Variants in SRGAP1 observed in about 807,000 individuals in gnomAD.
The protein encoded by SRGAP1 is SLIT-ROBO Rho GTPase-activating protein 1.
Under a neutral mutation model 121.9 loss-of-function variants are expected in SRGAP1, and 43 were observed. That is an observed-to-expected ratio of 0.35 (90% CI 0.28 to 0.46). The LOEUF (loss-of-function observed/expected upper bound fraction) is 0.46. SRGAP1 is among the 20% of genes least tolerant of loss of function. SRGAP1 has a pLI of 1.00. For synonymous variants in SRGAP1, 447 were observed against 485.4 expected (o/e 0.92, Z 1.04); for missense variants, 1,102 against 1,350.9 (o/e 0.82, Z 2.89).
chr12:64,036,435 T>C (rs1436714312), intron 4 of SRGAP1, among the ~76,000 whole-genome samples: 1 of 152,196 alleles, frequency 6.6e-6, no homozygotes, highest in East Asian at 1.9e-4. Flanking sequence ...GTATTGATTG[T>C]AGAAAATAGA....
At chr12:63,902,732 G>C (rs1463688394) in intron 1 of SRGAP1, among the ~76,000 whole-genome samples, 2 of 152,116 alleles carry the variant, frequency 1.3e-5, no homozygotes, top group South Asian at 4.1e-4. Flanking sequence ...CAATCCAATT[G>C]CTTAAAATTA....
At chr12:63,925,250 A>G (rs948735962) in intron 1 of SRGAP1, among the ~76,000 whole-genome samples, 7 of 152,340 alleles carry the variant, frequency 4.6e-5, no homozygotes, top group Middle Eastern at 3.4e-3. Flanking sequence ...TACTGCTGAC[A>G]TTATTATAAA....
chr12:64,027,713 C>T (rs1223678892), intron 4 of SRGAP1, among the ~76,000 whole-genome samples: 1 of 152,118 alleles, frequency 6.6e-6, no homozygotes, highest in Non-Finnish European at 1.5e-5. Context: ...AGTTTGCAAA[C>T]TCAAAAAGCT....
intron 6 of SRGAP1, 124 bp downstream of exon 6, chr12:64,043,699 A>C (rs2035067991): frequency 2.9e-6 from 2 of 697,666 alleles, no homozygotes; most frequent in South Asian, 5.1e-5. Context: ...AAAAAGAAAA[A>C]AATACTTTTA....
rs149965954 is a variant in SRGAP1 at position 64,001,127 on chromosome 12, A to G, written c.426+11055A>G. 2.5e-3 allele frequency among the ~76,000 whole-genome samples: 377 copies of G among 152,264 alleles called. 1 individual carries two copies. The highest frequency in any genetic ancestry group is 8.6e-3 in the African/African-American group (356 of 41,556). On this transcript the variant is annotated intron_variant, in intron 3 of 21. Coordinates refer to ENST00000355086, the MANE Select transcript of SRGAP1 (RefSeq NM_020762.4). ...TTGCATGACTTCTACCCAGCATTCCATAAAATCATCCTCTTTTCAAAAAGA... is the reference window on the plus strand; with the variant it reads ...TTGCATGACTTCTACCCAGCATTCCGTAAAATCATCCTCTTTTCAAAAAGA...
Position 64,091,372 on chromosome 12 carries a change from C to A in SRGAP1, c.1533C>A (p.Phe511Leu). 1 of 1,603,668 alleles carries A rather than the reference C, an allele frequency of 6.2e-7. No individual in the cohort carries two copies. Among genetic ancestry groups the A allele is most frequent in the Non-Finnish European group, 8.5e-7 (1 of 1,173,580 alleles). ...TGTTTAATGGGGATTTGGAAACATT[C>A]GTCAAGGTACTGGCACCAGCCATCT... ...TKLFNGDLET[F>L]VKDSGQVIPL... Residue 511 changes from phenylalanine to leucine, a missense_variant, in exon 12 of 22, where the codon TTC (phenylalanine) becomes TTA (leucine). Phe to Leu is a conservative substitution (Grantham distance 22). Around this residue, in one of 3 missense-constraint regions of SRGAP1, gnomAD observed 747 missense variants for 929.4 expected, o/e 0.80. Coordinates refer to ENST00000355086, the MANE Select transcript of SRGAP1 (RefSeq NM_020762.4).
rs548182689 is a variant in SRGAP1, at chr12:63,967,641, C to T, written c.68-16306C>T. Among the ~76,000 whole-genome samples, 31 of 152,180 alleles carry T rather than the reference C, an allele frequency of 2.0e-4. No individual in the cohort carries two copies. In the East Asian group the frequency reaches 5.0e-3, roughly 25 times the overall value. ...AGGAATGGGCTTGGGGGGATTTGAC[C>T]CCTGGATTCTTTGTAGGACTAAGTG... On this transcript the variant is annotated intron_variant, in intron 1 of 21. Coordinates refer to ENST00000355086, the MANE Select transcript of SRGAP1 (RefSeq NM_020762.4).
intron 1 of SRGAP1, among the ~76,000 whole-genome samples, chr12:63,880,379 A>G (rs1179541595): frequency 1.3e-5 from 2 of 151,946 alleles, no homozygotes; most frequent in Non-Finnish European, 2.9e-5. Context: ...TTACAGACGC[A>G]TGCCACCCCG....
chr12:64,041,253 A>G (rs2136503194), intron 4 of SRGAP1, among the ~76,000 whole-genome samples: 1 of 152,288 alleles, frequency 6.6e-6, no homozygotes, highest in African/African-American at 2.4e-5. Context: ...TTAATGATAT[A>G]GGAAAATATG....
At chr12:64,110,728 T>C (rs2036418075) in intron 16 of SRGAP1, among the ~76,000 whole-genome samples, 1 of 152,206 alleles carries the variant, frequency 6.6e-6, no homozygotes, top group African/African-American at 2.4e-5. Flanking sequence ...GTTATTGTGA[T>C]TTTTTAAAAA....
At chr12:64,116,124 A>T (rs970167960) in intron 18 of SRGAP1, 7 of 445,736 alleles carry the variant, frequency 1.6e-5, no homozygotes, top group South Asian at 1.1e-4. Flanking sequence ...AGGCGTGGTG[A>T]TGTGCACCTG....
At chr12:63,942,938 G>A (rs968958954) in intron 1 of SRGAP1, among the ~76,000 whole-genome samples, 6 of 152,266 alleles carry the variant, frequency 3.9e-5, no homozygotes, top group African/African-American at 1.2e-4. Flanking sequence ...TTCAATAGAA[G>A]CATTAAAATG....
At chr12:64,004,589 C>A (rs934243315) in intron 3 of SRGAP1, among the ~76,000 whole-genome samples, 28 of 152,284 alleles carry the variant, frequency 1.8e-4, no homozygotes, top group African/African-American at 6.0e-4. Context: ...CCAAGATGGT[C>A]TTGATCTCCT....
At chr12:64,086,102 G>T (rs1046166050) in intron 10 of SRGAP1, among the ~76,000 whole-genome samples, 1 of 152,132 alleles carries the variant, frequency 6.6e-6, no homozygotes, top group African/African-American at 2.4e-5. Flanking sequence ...CTGAATCACT[G>T]CATTATGATA....
In SRGAP1 at chr12:63,994,072, C is replaced by T. The variant is rs148149156; in HGVS notation, c.426+4000C>T. Among the ~76,000 whole-genome samples the T allele has an allele frequency of 5.7e-3, 869 of 152,206 alleles. 7 individuals carry two copies. The highest frequency in any genetic ancestry group is 0.02 in the African/African-American group (816 of 41,522). On this transcript the variant is annotated intron_variant, in intron 3 of 21. Transcript: ENST00000355086. ...GTGGACTTGGGAATATTTGTAAATA[C>T]GCCTCAGTTTCTGCAGCTATAAAGT...
At chr12:64,056,565 AAAG>A (rs1454851610) in intron 6 of SRGAP1, among the ~76,000 whole-genome samples, 11 of 150,914 alleles carry the variant, frequency 7.3e-5, no homozygotes, top group African/African-American at 1.9e-4. Flanking sequence ...AAAAAAAAAA[AAAG>A]AGAGAAAGAA....
chr12:63,898,784 T>A (rs1461813794), intron 1 of SRGAP1, among the ~76,000 whole-genome samples: 3 of 152,238 alleles, frequency 2.0e-5, no homozygotes, highest in Admixed American at 2.0e-4. Context: ...TTTAAATTTT[T>A]AAAAAGACAG....
At chr12:64,084,993 CCTTT>C (rs1316799559) in intron 10 of SRGAP1, among the ~76,000 whole-genome samples, 2 of 152,066 alleles carry the variant, frequency 1.3e-5, no homozygotes, top group African/African-American at 4.8e-5. Context: ...ATAATACCTA[CCTTT>C]CTTCTAGGAT....
intron 1 of SRGAP1, among the ~76,000 whole-genome samples, chr12:63,929,193 T>C (rs1378787987): frequency 6.6e-6 from 1 of 152,226 alleles, no homozygotes; most frequent in Non-Finnish European, 1.5e-5. Flanking sequence ...GCTAGTGAGG[T>C]AGTCAGGAGC....
Sources: gnomAD v4.1 joint callset for allele counts (sites outside exome capture counted in the v4.1 genomes callset) on GRCh38, gnomAD v4.1.1 for gene constraint, gnomAD v4.1.1 regional missense constraint, MANE v1.5 for transcripts, NCBI Gene and HGNC (gene_info 2026-07-23, HGNC 2026-07-21) for gene names.